CFAP77: variants seen among roughly 807,000 people sequenced by gnomAD.
The protein encoded by CFAP77 is cilia and flagella associated protein 77.
Under a neutral mutation model 31.1 loss-of-function variants are expected in CFAP77, and 25 were observed. The ratio of observed to expected loss-of-function variants is 0.80; its 90% CI spans 0.59 to 1.12. CFAP77 has a LOEUF of 1.12. CFAP77 is among the 50% of genes most tolerant of loss of function. CFAP77 has a pLI of 0.00. For missense variants in CFAP77, 377 were observed against 397.3 expected (o/e 0.95, Z 0.44); for synonymous variants, 151 against 159.9 (o/e 0.94, Z 0.42).
intron 5 of CFAP77, among the ~76,000 whole-genome samples, chr9:132,566,494 C>T (rs1829885462): frequency 6.6e-6 from 1 of 152,182 alleles, no homozygotes; most frequent in Admixed American, 6.5e-5. Context: ...ACAAGGGGCT[C>T]AACATGCCAG....
intron 1 of CFAP77, among the ~76,000 whole-genome samples, chr9:132,484,429 A>G (rs1423863280): frequency 6.6e-6 from 1 of 152,124 alleles, no homozygotes; most frequent in African/African-American, 2.4e-5. Flanking sequence ...GCAACCACCA[A>G]TCTGCTTTCT....
intron 1 of CFAP77, among the ~76,000 whole-genome samples, chr9:132,466,464 G>A (rs1348431074): frequency 6.6e-6 from 1 of 152,148 alleles, no homozygotes; most frequent in African/African-American, 2.4e-5. Context: ...CTTGGGTCAT[G>A]GGATGGGGAC....
intron 1 of CFAP77, among the ~76,000 whole-genome samples, chr9:132,456,881 GC>G (rs1261539447): frequency 6.6e-6 from 1 of 152,054 alleles, no homozygotes; most frequent in African/African-American, 2.4e-5. Flanking sequence ...CTCCTGAGTA[GC>G]TGGGACTACA....
chr9:132,444,736 A>C (rs948554630), intron 1 of CFAP77, among the ~76,000 whole-genome samples: 1 of 152,156 alleles, frequency 6.6e-6, no homozygotes, highest in Non-Finnish European at 1.5e-5. Context: ...AAATTTTTTA[A>C]AAAAAATTGT....
intron 3 of CFAP77, among the ~76,000 whole-genome samples, chr9:132,536,434 C>T (rs139593219): frequency 0.02 from 2,743 of 138,738 alleles, 34 homozygotes; most frequent in Non-Finnish European, 0.029. Context: ...TGCTATGTTG[C>T]CCAGGCTGGA....
intron 1 of CFAP77, among the ~76,000 whole-genome samples, chr9:132,447,840 T>TA (rs1208220219): frequency 4.6e-5 from 7 of 152,342 alleles, no homozygotes; most frequent in African/African-American, 1.7e-4. Context: ...GAATATTTCT[T>TA]AATAAAACCA....
intron 5 of CFAP77, among the ~76,000 whole-genome samples, chr9:132,567,987 A>G (rs907261289): frequency 2.6e-5 from 4 of 152,216 alleles, no homozygotes; most frequent in Non-Finnish European, 2.9e-5. Flanking sequence ...CACATTCTCA[A>G]GTTCTGGGGG....
chr9:132,508,076 A>T (rs1048708684), intron 3 of CFAP77, among the ~76,000 whole-genome samples: 2 of 152,170 alleles, frequency 1.3e-5, no homozygotes, highest in African/African-American at 4.8e-5. Flanking sequence ...CATAGTGAGC[A>T]CTCGAATATA....
At chr9:132,509,370 G>T (rs750606953) in intron 3 of CFAP77, among the ~76,000 whole-genome samples, 2 of 152,178 alleles carry the variant, frequency 1.3e-5, no homozygotes, top group Non-Finnish European at 2.9e-5. Flanking sequence ...CTCTGCTGGG[G>T]CTTTGGGAGC....
At chr9:132,422,431 A>G (rs1029261950) in intron 1 of CFAP77, among the ~76,000 whole-genome samples, 13 of 152,180 alleles carry the variant, frequency 8.5e-5, no homozygotes, top group African/African-American at 3.1e-4. Context: ...CCTGGAAGAT[A>G]CCACGGATGC....
chr9:132,430,199 T>C (rs887818306), intron 1 of CFAP77, among the ~76,000 whole-genome samples: 1 of 152,204 alleles, frequency 6.6e-6, no homozygotes, highest in African/African-American at 2.4e-5. Context: ...TCTGGTTCTG[T>C]GATAGAGCTC....
At chr9:132,518,673 G>A (rs10793936) in intron 3 of CFAP77, among the ~76,000 whole-genome samples, 48,843 of 152,090 alleles carry the variant, frequency 0.32, 8,338 homozygotes, top group East Asian at 0.7. Context: ...TCCAGCTGGC[G>A]GTCCTGCCTG....
intron 5 of CFAP77, among the ~76,000 whole-genome samples, chr9:132,559,346 C>CGAAAAAAAAAAAAAAAAA (rs1852957890): frequency 1.8e-5 from 1 of 56,082 alleles, no homozygotes; most frequent in Non-Finnish European, 3.2e-5. Flanking sequence ...CTCTGTCTTG[C>CGAAAAAAAAAAAAAAAAA]AAAAAAAAAA....
At position 132,550,401 on chromosome 9, in the gene CFAP77, T is replaced by C. The variant is rs528751430; in HGVS notation, c.732+7354T>C. 7.2e-4 allele frequency among the ~76,000 whole-genome samples: 110 copies of C among 152,316 alleles called. 1 individual carries two copies. The highest frequency in any genetic ancestry group is 6.8e-3 in the Middle Eastern group (2 of 294). ...GATGGAATTTGGGGGGTCCCCAATTTCTTCTTCCGACTTCTAGCTCATCTC... is the reference window on the plus strand; with the variant it reads ...GATGGAATTTGGGGGGTCCCCAATTCCTTCTTCCGACTTCTAGCTCATCTC... On this transcript the variant is annotated intron_variant, in intron 5 of 5. Transcript: ENST00000393216.
intron 5 of CFAP77, among the ~76,000 whole-genome samples, chr9:132,559,406 A>G (rs1017613299): frequency 6.6e-6 from 1 of 151,282 alleles, no homozygotes; most frequent in African/African-American, 2.4e-5. Flanking sequence ...AAGGAGATAA[A>G]CAAATAAACA....
At chr9:132,440,900 C>G (rs1400905823) in intron 1 of CFAP77, among the ~76,000 whole-genome samples, 2 of 152,164 alleles carry the variant, frequency 1.3e-5, no homozygotes, top group African/African-American at 4.8e-5. Flanking sequence ...CTGGACCATT[C>G]CTCTTCAGTA....
intron 1 of CFAP77, among the ~76,000 whole-genome samples, chr9:132,431,789 A>C (rs1564201791): frequency 1.3e-5 from 2 of 152,208 alleles, no homozygotes; most frequent in South Asian, 4.1e-4. Flanking sequence ...CCCCAAATTT[A>C]CTCAAAGACA....
chr9:132,461,443 C>G (rs1438583012), intron 1 of CFAP77, among the ~76,000 whole-genome samples: 1 of 152,198 alleles, frequency 6.6e-6, no homozygotes, highest in African/African-American at 2.4e-5. Context: ...GCTTCAGCGG[C>G]CTTCCTTCTG....
intron 3 of CFAP77, among the ~76,000 whole-genome samples, chr9:132,532,361 C>A (rs1219191842): frequency 6.6e-6 from 1 of 152,184 alleles, no homozygotes; most frequent in African/African-American, 2.4e-5. Context: ...GTGGAGGAGC[C>A]CGGCAGAGAG....
Sources: gnomAD v4.1 joint callset for allele counts (sites outside exome capture counted in the v4.1 genomes callset) on GRCh38, gnomAD v4.1.1 for gene constraint, MANE v1.5 for transcripts, NCBI Gene and HGNC (gene_info 2026-07-23, HGNC 2026-07-21) for gene names.